The following SYNE1 variants were observed in gnomAD, a reference collection of about 807,000 sequenced individuals.
SYNE1 encodes spectrin repeat containing nuclear envelope protein 1, also known as nesprin-1.
A neutral mutation model predicts 1,111.0 loss-of-function variants in SYNE1; 616 were observed. The ratio of observed to expected loss-of-function variants is 0.55; its 90% CI spans 0.52 to 0.59. The LOEUF is 0.59. Among genes scored for constraint, SYNE1 ranks in the 20% least tolerant of loss-of-function variants. The pLI is 0.00. For missense variants in SYNE1, 10,006 were observed against 10,417.0 expected, an observed-to-expected ratio of 0.96 and a Z score of 1.72; for synonymous variants, 3,855 against 3,825.8, an observed-to-expected ratio of 1.01 and a Z score of -0.28.
At position 152,331,558 on chromosome 6, in the gene SYNE1, G is replaced by C; in HGVS notation, c.13127C>G (p.Pro4376Arg). 1 of 1,614,142 alleles carries C rather than the reference G, an allele frequency of 6.2e-7. No homozygotes were observed. Among genetic ancestry groups the C allele is most frequent in the Non-Finnish European group, 8.5e-7 (1 of 1,180,016 alleles). ...GAGAAGGTTCTGAGCCATATCTGGAGGAGGGCTCTGCTTAAGGGCCTCGGC... is the reference window on the plus strand; with the variant it reads ...GAGAAGGTTCTGAGCCATATCTGGACGAGGGCTCTGCTTAAGGGCCTCGGC... ...NIAEALKQSP[P>R]PDMAQNLLMD... Residue 4376 changes from proline (P) to arginine (R), a missense_variant, in exon 78 of 146, where the codon CCT becomes CGT. Physicochemically the swap from Pro to Arg is moderately radical, Grantham distance 103. This residue lies in a region of SYNE1 where 4,955 missense variants were observed against 5,017.2 expected (regional missense o/e 0.99). Transcript: ENST00000367255.
At chr6:152,139,240 A>G (rs2057828768) in intron 140 of SYNE1, among the ~76,000 whole-genome samples, 1 of 152,164 alleles carries the variant, frequency 6.6e-6, no homozygotes, top group African/African-American at 2.4e-5. Context: ...TACATGGTGT[A>G]TAGTTCTACA....
intron 85 of SYNE1, 30 bp downstream of exon 85, chr6:152,318,833 A>G: frequency 6.2e-7 from 1 of 1,613,248 alleles, no homozygotes; most frequent in Non-Finnish European, 8.5e-7. Flanking sequence ...TAATTCATTC[A>G]GTAGTACCCT....
intron 108 of SYNE1, 125 bp downstream of exon 108, chr6:152,239,408 C>G: frequency 8.8e-7 from 1 of 1,133,046 alleles, no homozygotes; most frequent in Non-Finnish European, 1.3e-6. Context: ...CAGTCCTGAG[C>G]CCGAGAGCGC....
Position 152,255,572 on chromosome 6 carries a change from C to T in SYNE1, c.19260+19G>A. ...CTTTGTAATGTTATACACACACAGG[C>T]AGGAACTACTAAACCTACCTCTTGG... On this transcript the variant is annotated intron_variant, in intron 103 of 145. Coordinates refer to ENST00000367255, the MANE Select transcript of SYNE1 (RefSeq NM_182961.4). 6.2e-7 allele frequency: 1 copy of T among 1,613,656 alleles called. No homozygotes were observed. Among genetic ancestry groups the T allele is most frequent in the Non-Finnish European group, 8.5e-7 (1 of 1,179,604 alleles).
intron 6 of SYNE1, among the ~76,000 whole-genome samples, chr6:152,515,466 T>C (rs1285832361): frequency 1.3e-5 from 2 of 152,164 alleles, no homozygotes; most frequent in African/African-American, 2.4e-5. Context: ...TTAAAGGAAT[T>C]TTAAACATTA....
At position 152,347,175 on chromosome 6, in the gene SYNE1, C is replaced by A. The variant is rs148782440; in HGVS notation, c.11962G>T (p.Asp3988Tyr). 1.2e-6 allele frequency: 2 copies of A among 1,614,066 alleles called. No individual in the cohort carries two copies. Among genetic ancestry groups the A allele is most frequent in the Non-Finnish European group, 1.7e-6 (2 of 1,180,046 alleles). ...TCTGCACATTGGCCAATCAAAGTAT[C>A]ACCTTTCATTTGAAGATTGTTCAAA... is the stretch of plus-strand genomic sequence containing the variant. ...DRLNNLQMKG[D>Y]TLIGQCADHL... Residue 3988 changes from aspartate to tyrosine, a missense_variant, in exon 73 of 146, where the codon GAT (aspartate) becomes TAT (tyrosine). Asp to Tyr is a radical substitution (Grantham distance 160, BLOSUM62 -3). This residue lies in a region of SYNE1 where 4,955 missense variants were observed against 5,017.2 expected (regional missense o/e 0.99). Transcript: ENST00000367255.
chr6:152,239,187 G>C (rs953054051), intron 108 of SYNE1, among the ~76,000 whole-genome samples: 1 of 152,158 alleles, frequency 6.6e-6, no homozygotes, highest in Admixed American at 6.6e-5. Context: ...AAAGTGCTGG[G>C]ATGACAGGTG....
intron 10 of SYNE1, among the ~76,000 whole-genome samples, chr6:152,501,035 C>T (rs2099027317): frequency 6.6e-6 from 1 of 151,638 alleles, no homozygotes. Context: ...GCTCTGAAAA[C>T]TCCAGTTGAG....
At position 152,416,441 on chromosome 6, in the gene SYNE1, T is replaced by C. The variant is rs1299694818; in HGVS notation, c.5996A>G (p.Glu1999Gly). 6.2e-7 allele frequency: 1 copy of C among 1,614,074 alleles called. No homozygotes were observed. Among genetic ancestry groups the C allele is most frequent in the African/African-American group, 1.3e-5 (1 of 74,922 alleles). The change falls in exon 41 of 146, where the codon GAA (glutamate) becomes GGA (glycine). Residue 1999 changes from glutamate (E) to glycine (G), a missense_variant. Glu to Gly is a moderately conservative substitution (Grantham distance 98). Coordinates refer to ENST00000367255, the MANE Select transcript of SYNE1 (RefSeq NM_182961.4). Reference sequence around the variant, plus strand: ...TTTCAATCGCTCTTTGTCAGTCCTTTCTTCAATGTCCTCAATGCTTTTCAG... The same window carrying C: ...TTTCAATCGCTCTTTGTCAGTCCTTCCTTCAATGTCCTCAATGCTTTTCAG... The part of the protein sequence containing the change: ...ELLKSIEDIE[E>G]RTDKERLKEP...
rs531042486 is a variant in SYNE1 at position 152,151,949 on chromosome 6, T to C, written c.24312+10A>G. ...TGGCCTCTAAATTACAGATGAGGCATAGCAAAAACCTTGAGTCTGCGCAAG... is the reference window on the plus strand; with the variant it reads ...TGGCCTCTAAATTACAGATGAGGCACAGCAAAAACCTTGAGTCTGCGCAAG... On this transcript the variant is annotated intron_variant, in intron 134 of 145. Coordinates refer to ENST00000367255, the MANE Select transcript of SYNE1 (RefSeq NM_182961.4). 52 of 1,614,068 alleles carry C rather than the reference T, an allele frequency of 3.2e-5. No homozygotes were observed. The South Asian group carries it at 4.3e-4, about 13-fold the overall frequency.
At chr6:152,167,950 A>C (rs1487179089) in intron 130 of SYNE1, 1 of 775,530 alleles carries the variant, frequency 1.3e-6, no homozygotes, top group South Asian at 1.4e-5. Flanking sequence ...CAAACCAACG[A>C]ATAACTCTTG....
intron 18 of SYNE1, 32 bp from the exon 19 acceptor site, chr6:152,463,549 C>A: frequency 1.3e-6 from 2 of 1,570,334 alleles, no homozygotes; most frequent in Non-Finnish European, 1.7e-6. Context: ...ATATCATAAA[C>A]CATAAACCAA....
rs377227289 is a variant in SYNE1 at position 152,318,964 on chromosome 6, G to A, written c.16288C>T (p.Leu5430Phe). Residue 5430 changes from leucine (L) to phenylalanine (F), a missense_variant, in exon 85 of 146, where the codon CTC becomes TTC. Leu to Phe is a conservative substitution (Grantham distance 22). This residue lies in a region of SYNE1 where 4,955 missense variants were observed against 5,017.2 expected (regional missense o/e 0.99). Transcript: ENST00000367255. ...VEQSKATSQE[L>F]SRQIQKLAKD... ...GCTAACTTCTGAATTTGCCGGCTGA[G>A]TTCCTGGCTCGTGGCCTTGCTCTGC... is the stretch of plus-strand genomic sequence containing the variant. 17 of 1,614,200 alleles carry A rather than the reference G, an allele frequency of 1.1e-5. No individual in the cohort carries two copies. The East Asian group carries it at 2.0e-4, about 19-fold the overall frequency.
In SYNE1 at chr6:152,302,052, C is replaced by T. The variant is rs1422293854; in HGVS notation, c.17358G>A (p.Gln5786=). 8.7e-6 allele frequency: 14 copies of T among 1,614,270 alleles called. No individual in the cohort carries two copies. Among genetic ancestry groups the T allele is most frequent in the Non-Finnish European group, 1.0e-5 (12 of 1,180,048 alleles). Residue 5786 remains glutamine, a synonymous_variant, in exon 92 of 146, where the codon CAG becomes CAA. Coordinates refer to ENST00000367255, the MANE Select transcript of SYNE1 (RefSeq NM_182961.4). ...TCTGCTCCTGGTAGCCCTTAATTTTCTGCGCCAGCTCCTGAGGAAACATTT... is the reference window on the plus strand; with the variant it reads ...TCTGCTCCTGGTAGCCCTTAATTTTTTGCGCCAGCTCCTGAGGAAACATTT... ...AQISRHEELA[Q]KIKGYQEQIA... is the part of the protein sequence containing the mutation.
At chr6:152,147,993 A>T in intron 137 of SYNE1, 52 bp downstream of exon 137, 1 of 1,469,742 alleles carries the variant, frequency 6.8e-7, no homozygotes, top group Non-Finnish European at 9.5e-7. Flanking sequence ...GGGCAATATT[A>T]ATTCCCTCTG....
intron 18 of SYNE1, chr6:152,465,020 G>A (rs2098756044): frequency 1.8e-6 from 1 of 549,962 alleles, no homozygotes; most frequent in Admixed American, 3.0e-5. Context: ...ACAGACTTCA[G>A]GGTAATATAG....
chr6:152,388,433 C>T (rs1161020214), intron 53 of SYNE1, among the ~76,000 whole-genome samples: 5 of 152,038 alleles, frequency 3.3e-5, no homozygotes, highest in Non-Finnish European at 7.4e-5. Context: ...TTTTGTTTCT[C>T]TTTCTTTGAA....
In SYNE1 at chr6:152,436,028, A is replaced by G; in HGVS notation, c.4223T>C (p.Leu1408Pro). The G allele has an allele frequency of 6.2e-7, 1 of 1,614,120 alleles. No individual in the cohort carries two copies. Among genetic ancestry groups the G allele is most frequent in the Non-Finnish European group, 8.5e-7 (1 of 1,180,006 alleles). Residue 1408 changes from leucine to proline, a missense_variant, in exon 33 of 146, where the codon CTT becomes CCT. Coordinates refer to ENST00000367255, the MANE Select transcript of SYNE1 (RefSeq NM_182961.4). ...NLVKEASEIPLGPQNKQLLQQ... is the reference protein window; with the variant it reads ...NLVKEASEIPPGPQNKQLLQQ... ...AAGCAGCTGCTTATTTTGGGGCCCA[A>G]GCGGTATCTCTGAAGCTTCCTTTAC...
chr6:152,390,600 A>T (rs1166094906), intron 52 of SYNE1, 148 bp from the exon 53 acceptor site: 1 of 749,124 alleles, frequency 1.3e-6, no homozygotes, highest in Admixed American at 2.7e-5. Flanking sequence ...ATTGCAATAT[A>T]ATATTGACTC....
Sources: gnomAD v4.1 joint callset for allele counts (sites outside exome capture counted in the v4.1 genomes callset) on GRCh38, gnomAD v4.1.1 for gene constraint, gnomAD v4.1.1 regional missense constraint, MANE v1.5 for transcripts, NCBI Gene and HGNC (gene_info 2026-07-23, HGNC 2026-07-21) for gene names.